Variants in EYS observed in about 807,000 individuals in gnomAD.
The protein encoded by EYS is EGF-like photoreceptor maintenance factor, also known as protein eyes shut homolog.
A neutral mutation model predicts 282.1 loss-of-function variants in EYS; 250 were observed. That is an observed-to-expected ratio of 0.89 (90% CI 0.80 to 0.98). EYS has a LOEUF of 0.98. Ranked by LOEUF, EYS falls within the 50% of genes least tolerant of loss-of-function variation. The pLI is 0.00. For synonymous variants in EYS, 1,355 were observed against 1,282.9 expected (o/e 1.06, Z -1.20); for missense variants, 4,016 against 3,709.0 (o/e 1.08, Z -2.15).
intron 29 of EYS, among the ~76,000 whole-genome samples, chr6:64,311,060 AATTT>A (rs1345688996): frequency 1.3e-5 from 2 of 151,924 alleles, no homozygotes; most frequent in African/African-American, 2.4e-5. Flanking sequence ...AAATAAAAAT[AATTT>A]ATTAAAATTA....
At chr6:65,045,252 C>T (rs375107153) in intron 13 of EYS, among the ~76,000 whole-genome samples, 1 of 151,974 alleles carries the variant, frequency 6.6e-6, no homozygotes, top group East Asian at 1.9e-4. Context: ...TGACAAAATA[C>T]AATTTTCATA....
chr6:65,647,471 G>T (rs1231929497), intron 1 of EYS, among the ~76,000 whole-genome samples: 1 of 152,130 alleles, frequency 6.6e-6, no homozygotes, highest in Non-Finnish European at 1.5e-5. Flanking sequence ...ACATGTAGAA[G>T]AATGAAGCTG....
intron 12 of EYS, among the ~76,000 whole-genome samples, chr6:65,130,807 A>T (rs1367070810): frequency 1.3e-5 from 2 of 151,630 alleles, no homozygotes; most frequent in Non-Finnish European, 2.9e-5. Context: ...AGTTAAAAAA[A>T]AAAAAAGAAA....
intron 34 of EYS, among the ~76,000 whole-genome samples, chr6:63,992,485 G>C (rs1767646794): frequency 6.6e-6 from 1 of 151,636 alleles, no homozygotes; most frequent in African/African-American, 2.4e-5. Flanking sequence ...TTATTTTTAT[G>C]ATTAATAACA....
At chr6:64,580,875 G>T (rs1766038826) in intron 26 of EYS, among the ~76,000 whole-genome samples, 1 of 151,990 alleles carries the variant, frequency 6.6e-6, no homozygotes, top group South Asian at 2.1e-4. Context: ...ATAATTCATA[G>T]TATTTTTGAT....
At chr6:65,400,777 T>A (rs970996315) in intron 7 of EYS, among the ~76,000 whole-genome samples, 1 of 151,924 alleles carries the variant, frequency 6.6e-6, no homozygotes, top group African/African-American at 2.4e-5. Flanking sequence ...TCATAATCAC[T>A]CTATTCTTCT....
At chr6:65,508,285 G>A (rs185713890) in intron 2 of EYS, among the ~76,000 whole-genome samples, 26 of 152,216 alleles carry the variant, frequency 1.7e-4, no homozygotes, top group Admixed American at 1.3e-3. Flanking sequence ...ACGTATAAGA[G>A]AGGGAAATGA....
At chr6:63,786,471 G>A (rs1357127382) in intron 39 of EYS, among the ~76,000 whole-genome samples, 1 of 151,722 alleles carries the variant, frequency 6.6e-6, no homozygotes, top group Non-Finnish European at 1.5e-5. Context: ...ACTCATAAGT[G>A]GGAGTTGAAC....
intron 36 of EYS, among the ~76,000 whole-genome samples, chr6:63,819,493 T>C (rs750902965): frequency 4.6e-5 from 7 of 152,316 alleles, no homozygotes; most frequent in African/African-American, 7.2e-5. Context: ...CTGTGTAGTA[T>C]GATTGTGGAA....
intron 2 of EYS, among the ~76,000 whole-genome samples, chr6:65,533,186 C>T (rs1360133764): frequency 6.6e-6 from 1 of 152,082 alleles, no homozygotes; most frequent in Admixed American, 6.6e-5. Context: ...AAATTACCCT[C>T]AGAGAATACT....
At chr6:63,908,008 A>AC (rs1491370823) in intron 35 of EYS, among the ~76,000 whole-genome samples, 7 of 23,624 alleles carry the variant, frequency 3.0e-4, no homozygotes, top group African/African-American at 1.0e-3. Context: ...ACACACACAC[A>AC]AACGTATATA....
chr6:65,271,894 C>T (rs1767916437), intron 12 of EYS, among the ~76,000 whole-genome samples: 1 of 152,074 alleles, frequency 6.6e-6, no homozygotes, highest in Non-Finnish European at 1.5e-5. Context: ...CCAGTCAAAA[C>T]ATAAAATTCA....
At chr6:63,793,550 AT>A (rs1184074291) in intron 37 of EYS, among the ~76,000 whole-genome samples, 2 of 152,204 alleles carry the variant, frequency 1.3e-5, no homozygotes, top group African/African-American at 4.8e-5. Flanking sequence ...TAATATTTTA[AT>A]TTTTTAACTT....
intron 5 of EYS, among the ~76,000 whole-genome samples, chr6:65,425,825 T>C (rs1033946649): frequency 9.2e-5 from 14 of 152,114 alleles, no homozygotes; most frequent in African/African-American, 2.9e-4. Flanking sequence ...ATTGGAGCAC[T>C]TTATGGCTTT....
chr6:65,365,911 T>A (rs1419228236), intron 8 of EYS, among the ~76,000 whole-genome samples: 1 of 151,764 alleles, frequency 6.6e-6, no homozygotes, highest in African/African-American at 2.4e-5. Context: ...AATCAGTGTT[T>A]CTGTTGACTT....
chr6:63,830,676 GC>G (rs767671078), intron 36 of EYS, among the ~76,000 whole-genome samples: 54 of 152,302 alleles, frequency 3.5e-4, no homozygotes, highest in South Asian at 1.2e-3. Flanking sequence ...CCCCAACCTA[GC>G]AAGGCAGGCC....
intron 29 of EYS, among the ~76,000 whole-genome samples, chr6:64,384,630 C>T (rs765657806): frequency 3.3e-5 from 5 of 152,198 alleles, no homozygotes; most frequent in Non-Finnish European, 7.3e-5. Flanking sequence ...CCTTAACTAA[C>T]TTGGACCCGA....
intron 31 of EYS, among the ~76,000 whole-genome samples, chr6:64,209,688 C>A (rs1161716512): frequency 6.6e-6 from 1 of 152,146 alleles, no homozygotes; most frequent in Non-Finnish European, 1.5e-5. Flanking sequence ...CCTCCCTCTG[C>A]TTTTAGAACA....
chr6:64,851,704 C>T (rs1331476974), intron 19 of EYS, among the ~76,000 whole-genome samples: 1 of 151,976 alleles, frequency 6.6e-6, no homozygotes, highest in Non-Finnish European at 1.5e-5. Context: ...GAAACAGAAA[C>T]CAAATATTGC....
Sources: gnomAD v4.1 joint callset for allele counts (sites outside exome capture counted in the v4.1 genomes callset) on GRCh38, gnomAD v4.1.1 for gene constraint, MANE v1.5 for transcripts, NCBI Gene and HGNC (gene_info 2026-07-23, HGNC 2026-07-21) for gene names.